SPOCK2: variants seen among roughly 807,000 people sequenced by gnomAD.
The protein encoded by SPOCK2 is SPARC (osteonectin), cwcv and kazal like domains proteoglycan 2.
SPOCK2 carries 39 observed loss-of-function variants against 60.1 expected under a neutral mutation model. The observed-to-expected ratio is 0.65, with a 90% CI of 0.50 to 0.85. The LOEUF is 0.85. SPOCK2 is among the 40% of genes least tolerant of loss of function. SPOCK2 has a pLI of 0.00. For missense variants in SPOCK2, 523 were observed against 567.4 expected (o/e 0.92, Z 0.80); for synonymous variants, 217 against 231.5 (o/e 0.94, Z 0.57).
chr10:72,073,466 G>A (rs1840675863), intron 1 of SPOCK2, among the ~76,000 whole-genome samples: 1 of 152,214 alleles, frequency 6.6e-6, no homozygotes, highest in South Asian at 2.1e-4. Context: ...CACGGAGTGA[G>A]GGAGGAGGCC....
chr10:72,083,959 A>T (rs1228814611), intron 1 of SPOCK2, among the ~76,000 whole-genome samples: 1 of 151,956 alleles, frequency 6.6e-6, no homozygotes, highest in Non-Finnish European at 1.5e-5. Flanking sequence ...GTGGGGTGGG[A>T]AGCAGGGAGG....
At chr10:72,079,711 A>C (rs1055976311) in intron 1 of SPOCK2, among the ~76,000 whole-genome samples, 1 of 152,052 alleles carries the variant, frequency 6.6e-6, no homozygotes, top group African/African-American at 2.4e-5. Context: ...GAAGCTTGGG[A>C]CCTAGCAGCG....
chr10:72,062,770 T>C lies in SPOCK2; in HGVS notation c.1265A>G (p.Tyr422Cys), dbSNP rs1374304019. 7 of 1,605,528 alleles carry C rather than the reference T, an allele frequency of 4.4e-6. No homozygotes were observed. The highest frequency in any genetic ancestry group is 5.9e-6 in the Non-Finnish European group (7 of 1,179,398). The change falls in exon 11 of 11, where the codon TAC becomes TGC. Residue 422 changes from tyrosine to cysteine, a missense_variant. Coordinates refer to ENST00000373109, the MANE Select transcript of SPOCK2 (RefSeq NM_001244950.2). This position sits in a 1 kb window ranked among gnomAD's most constrained non-coding sequence, Gnocchi z 4.3. Reference protein sequence around the residue: ...GEAGEADDGGYIW With the variant: ...GEAGEADDGGCIW ...GGCTCCTGAGGGCGTCTACCAGATGTAGCCCCCGTCGTCAGCCTCGCCTGC... is the reference window on the plus strand; with the variant it reads ...GGCTCCTGAGGGCGTCTACCAGATGCAGCCCCCGTCGTCAGCCTCGCCTGC...
At chr10:72,066,651 T>C (rs1377681104) in intron 8 of SPOCK2, among the ~76,000 whole-genome samples, 1 of 151,954 alleles carries the variant, frequency 6.6e-6, no homozygotes, top group Non-Finnish European at 1.5e-5. Context: ...CCTCCAAAAG[T>C]ATATAAGCTT....
intron 1 of SPOCK2, among the ~76,000 whole-genome samples, chr10:72,077,838 C>T (rs768892701): frequency 3.9e-5 from 6 of 152,164 alleles, no homozygotes; most frequent in African/African-American, 1.4e-4. Context: ...CTTCCCCTCC[C>T]GAATCCCTCT....
At chr10:72,069,612 T>A (rs1840618138) in intron 5 of SPOCK2, among the ~76,000 whole-genome samples, 1 of 152,124 alleles carries the variant, frequency 6.6e-6, no homozygotes, top group East Asian at 1.9e-4. Context: ...CACACGCCAC[T>A]GCACCCAGCT....
rs1471823345 is a variant in SPOCK2 at position 72,062,423 on chromosome 10, T to C, written c.*337A>G. The C allele has an allele frequency of 6.1e-6, 2 of 327,940 alleles. No homozygotes were observed. Among genetic ancestry groups the C allele is most frequent in the Non-Finnish European group, 1.1e-5 (2 of 180,844 alleles). The allele number at this position is 327,940 out of a possible 1,614,324, so 20.3% of individuals were successfully genotyped here. A position where few individuals can be genotyped will look rare whatever the true frequency, so the allele number is the denominator to read the frequency against. On this transcript the variant is annotated 3_prime_UTR_variant, in exon 11 of 11. Coordinates refer to ENST00000373109, the MANE Select transcript of SPOCK2 (RefSeq NM_001244950.2). This position sits in a 1 kb window ranked among gnomAD's most constrained non-coding sequence, Gnocchi z 4.3. ...CAATTTGTATTTGTGTGTGAATGTA[T>C]TTTAAAACCAACAACAAAAGGAAAG...
intron 1 of SPOCK2, chr10:72,086,632 G>A (rs1342152160): frequency 1.7e-5 from 21 of 1,214,170 alleles, no homozygotes; most frequent in Non-Finnish European, 2.1e-5. Flanking sequence ...GGTGCTTCGG[G>A]AAGGCCTCGC....
At chr10:72,064,117 T>G (rs1183369587) in intron 9 of SPOCK2, 61 bp downstream of exon 9, 1 of 1,584,946 alleles carries the variant, frequency 6.3e-7, no homozygotes, top group Non-Finnish European at 8.6e-7. Context: ...GCCCTGGGTC[T>G]CAGACAAACC....
At chr10:72,081,279 T>C (rs1840780068) in intron 1 of SPOCK2, among the ~76,000 whole-genome samples, 1 of 152,222 alleles carries the variant, frequency 6.6e-6, no homozygotes. Flanking sequence ...ATGAGCGGAA[T>C]AGGAGCCCGA....
chr10:72,086,954 T>A, intron 1 of SPOCK2: 1 of 1,551,618 alleles, frequency 6.4e-7, no homozygotes, highest in African/African-American at 1.4e-5. Flanking sequence ...GAGGTCATGG[T>A]GTGGCCTGCG....
At chr10:72,074,337 C>T (rs986746955) in intron 1 of SPOCK2, among the ~76,000 whole-genome samples, 1 of 152,160 alleles carries the variant, frequency 6.6e-6, no homozygotes, top group Non-Finnish European at 1.5e-5. Context: ...GCATCACCAC[C>T]GAGAAAGATG....
In SPOCK2 at chr10:72,067,266, G is replaced by A. The variant is rs1840582940; in HGVS notation, c.710-146C>T. 4.6e-6 allele frequency: 4 copies of A among 878,078 alleles called. No individual in the cohort carries two copies. The East Asian group carries it at 1.1e-4, about 23-fold the overall frequency. The allele number at this position is 878,078 out of a possible 1,614,324, so 54.4% of individuals were successfully genotyped here. A position where few individuals can be genotyped will look rare whatever the true frequency, so the allele number is the denominator to read the frequency against. Reference sequence around the variant, plus strand: ...CTAACCATGGGATTGAGAAACTCGAGAACGGCGAAAGGTCCTTCCTTCCAC... The same window carrying A: ...CTAACCATGGGATTGAGAAACTCGAAAACGGCGAAAGGTCCTTCCTTCCAC... On this transcript the variant is annotated intron_variant, in intron 7 of 10. Transcript: ENST00000373109.
intron 3 of SPOCK2, 118 bp from the exon 4 acceptor site, chr10:72,072,376 C>T: frequency 6.7e-7 from 1 of 1,497,544 alleles, no homozygotes; most frequent in South Asian, 1.3e-5. Context: ...AGCTCCTGAG[C>T]TCAGGAGTCC....
In SPOCK2 at chr10:72,064,920, C is replaced by T. The variant is rs1197782344; in HGVS notation, c.929-680G>A. On this transcript the variant is annotated intron_variant, in intron 8 of 10. Coordinates refer to ENST00000373109, the MANE Select transcript of SPOCK2 (RefSeq NM_001244950.2). ...TAATTTTTTGTATTTTTAGTAGAGA[C>T]GGGGTTTCACCCTGTTAGCCAGGAT... 2.2e-5 allele frequency among the ~76,000 whole-genome samples: 3 copies of T among 133,410 alleles called. 1 individual carries two copies. The highest frequency in any genetic ancestry group is 8.2e-3 in the Middle Eastern group (2 of 244). 87.5% of individuals were successfully genotyped at this position (133,410 alleles called of 152,430 possible). A position where few individuals can be genotyped will look rare whatever the true frequency, so the allele number is the denominator to read the frequency against.
At chr10:72,086,650 C>A (rs1456998276) in intron 1 of SPOCK2, 3 of 1,241,888 alleles carry the variant, frequency 2.4e-6, no homozygotes, top group Non-Finnish European at 3.1e-6. Context: ...CGCGGGGCTC[C>A]AGGCTCCTGC....
intron 9 of SPOCK2, among the ~76,000 whole-genome samples, chr10:72,063,716 A>G (rs1008855527): frequency 6.6e-6 from 1 of 152,184 alleles, no homozygotes; most frequent in Non-Finnish European, 1.5e-5. Flanking sequence ...CCCGAGCTAA[A>G]GGGTTATGAG....
intron 1 of SPOCK2, among the ~76,000 whole-genome samples, chr10:72,080,147 C>A (rs1439581143): frequency 6.6e-6 from 1 of 152,152 alleles, no homozygotes; most frequent in Non-Finnish European, 1.5e-5. Context: ...ATATGGACAT[C>A]TGACATTGTC....
intron 1 of SPOCK2, chr10:72,086,921 C>G (rs778598446): frequency 2.6e-6 from 4 of 1,551,558 alleles, no homozygotes; most frequent in Non-Finnish European, 2.6e-6. Context: ...TGTGGATGCA[C>G]GCAGTTTAAG....
Sources: gnomAD v4.1 joint callset for allele counts (sites outside exome capture counted in the v4.1 genomes callset) on GRCh38, gnomAD v4.1.1 for gene constraint, Gnocchi (gnomAD v3.1) non-coding constraint, MANE v1.5 for transcripts, NCBI Gene and HGNC (gene_info 2026-07-23, HGNC 2026-07-21) for gene names.